Variants in CALCR observed in about 807,000 individuals in gnomAD.
CALCR encodes calcitonin receptor.
Under a neutral mutation model 59.5 loss-of-function variants are expected in CALCR, and 47 were observed. The observed-to-expected ratio is 0.79, with a 90% confidence interval of 0.63 to 1.01. The LOEUF (loss-of-function observed/expected upper bound fraction) is 1.01. CALCR is among the 50% of genes least tolerant of loss of function. The pLI, the probability that CALCR is intolerant of heterozygous loss-of-function variation, is 0.00. For synonymous variants in CALCR, 213 were observed against 211.3 expected (o/e 1.01, Z -0.07); for missense variants, 566 against 597.1 (o/e 0.95, Z 0.54).
chr7:93,552,111 T>C (rs1789475808), intron 2 of CALCR, among the ~76,000 whole-genome samples: 1 of 152,158 alleles, frequency 6.6e-6, no homozygotes, highest in African/African-American at 2.4e-5. Flanking sequence ...AGAGAAAAGC[T>C]TGAGTCATCA....
intron 2 of CALCR, among the ~76,000 whole-genome samples, chr7:93,491,946 G>A (rs1801087387): frequency 1.3e-5 from 2 of 151,830 alleles, no homozygotes; most frequent in African/African-American, 4.8e-5. Flanking sequence ...AAAGACACAT[G>A]CACACGTATG....
intron 9 of CALCR, among the ~76,000 whole-genome samples, chr7:93,439,499 T>C (rs1291026062): frequency 1.3e-5 from 2 of 152,212 alleles, no homozygotes; most frequent in Non-Finnish European, 2.9e-5. Flanking sequence ...AAGTGCTTTC[T>C]ACTTCATCTG....
At chr7:93,558,668 A>C (rs1306783802) in intron 2 of CALCR, among the ~76,000 whole-genome samples, 1 of 152,092 alleles carries the variant, frequency 6.6e-6, no homozygotes, top group Non-Finnish European at 1.5e-5. Flanking sequence ...TTCTCATATA[A>C]ATTTGGAATA....
intron 2 of CALCR, among the ~76,000 whole-genome samples, chr7:93,543,715 T>C (rs1176981115): frequency 6.6e-6 from 1 of 152,168 alleles, no homozygotes; most frequent in Non-Finnish European, 1.5e-5. Flanking sequence ...TTTGGGATCA[T>C]ACTGTAACTA....
At chr7:93,500,323 TTC>T (rs978721633) in intron 2 of CALCR, among the ~76,000 whole-genome samples, 1 of 151,940 alleles carries the variant, frequency 6.6e-6, no homozygotes, top group Admixed American at 6.6e-5. Context: ...ACCTTTAACA[TTC>T]TGTTTGGTTC....
At chr7:93,501,802 T>C (rs1004535839) in intron 2 of CALCR, among the ~76,000 whole-genome samples, 1 of 152,114 alleles carries the variant, frequency 6.6e-6, no homozygotes, top group Admixed American at 6.6e-5. Flanking sequence ...GAGCAGGATC[T>C]GTCGCTTTCC....
chr7:93,453,954 C>T (rs1649598765), intron 8 of CALCR, among the ~76,000 whole-genome samples: 1 of 152,082 alleles, frequency 6.6e-6, no homozygotes, highest in African/African-American at 2.4e-5. Context: ...GGGTAGGATA[C>T]TTCATTCCAT....
At chr7:93,474,283 C>G (rs1245641746) in intron 5 of CALCR, among the ~76,000 whole-genome samples, 1 of 151,546 alleles carries the variant, frequency 6.6e-6, no homozygotes, top group South Asian at 2.1e-4. Context: ...GATAAACACA[C>G]TGTAAAACTA....
chr7:93,503,208 G>A (rs1801357078), intron 2 of CALCR, among the ~76,000 whole-genome samples: 1 of 152,062 alleles, frequency 6.6e-6, no homozygotes, highest in Non-Finnish European at 1.5e-5. Flanking sequence ...GACCAGGGCT[G>A]ATGGAGCAAC....
At chr7:93,462,049 C>A in intron 7 of CALCR, 2 of 1,431,728 alleles carry the variant, frequency 1.4e-6, no homozygotes, top group East Asian at 2.4e-5. Context: ...CAAAAATAGC[C>A]TGGGTTTACT....
chr7:93,564,954 C>T (rs1377886977), intron 2 of CALCR, among the ~76,000 whole-genome samples: 1 of 152,084 alleles, frequency 6.6e-6, no homozygotes, highest in Non-Finnish European at 1.5e-5. Context: ...AATGAGAATA[C>T]TATATGAATG....
At chr7:93,491,259 A>T (rs1267958228) in intron 2 of CALCR, among the ~76,000 whole-genome samples, 1 of 152,118 alleles carries the variant, frequency 6.6e-6, no homozygotes, top group Non-Finnish European at 1.5e-5. Context: ...AATTAACTCA[A>T]GATGGATTAA....
chr7:93,453,449 C>G (rs1323513251), intron 8 of CALCR, among the ~76,000 whole-genome samples: 1 of 151,970 alleles, frequency 6.6e-6, no homozygotes, highest in Non-Finnish European at 1.5e-5. Flanking sequence ...CTGGAGTAAT[C>G]CAGCTAAGCA....
chr7:93,546,639 C>T (rs1368642498), intron 2 of CALCR, among the ~76,000 whole-genome samples: 1 of 151,614 alleles, frequency 6.6e-6, no homozygotes, highest in Non-Finnish European at 1.5e-5. Flanking sequence ...GCAGCCTCGA[C>T]CTTTCTGGCT....
chr7:93,431,805 AT>A, intron 13 of CALCR, among the ~76,000 whole-genome samples: 1 of 152,322 alleles, frequency 6.6e-6, no homozygotes, highest in African/African-American at 2.4e-5. Flanking sequence ...TTTATCCACG[AT>A]GTACGGAGAA....
chr7:93,532,742 C>T (rs1788872513), intron 2 of CALCR, among the ~76,000 whole-genome samples: 1 of 146,470 alleles, frequency 6.8e-6, no homozygotes. Context: ...ATACAAATGG[C>T]AGGGGTGATC....
chr7:93,430,916 T>C (rs886378296), intron 13 of CALCR, among the ~76,000 whole-genome samples: 1 of 152,250 alleles, frequency 6.6e-6, no homozygotes, highest in Non-Finnish European at 1.5e-5. Context: ...GGCTTTCTTA[T>C]GTCTCTAGAA....
In CALCR at chr7:93,574,401, G is replaced by C. The variant is rs1164610794; in HGVS notation, c.-139C>G. On this transcript the variant is annotated 5_prime_UTR_variant, in exon 2 of 14. Transcript: ENST00000426151. ...GCTTCAGCGCCCATCTCCTGGGCAG[G>C]AGATGTCAGCCGCAGGGTGAGGTGC... is the stretch of plus-strand genomic sequence containing the variant. 4 of 152,194 alleles carry C rather than the reference G, an allele frequency of 2.6e-5. No individual in the cohort carries two copies. The highest frequency in any genetic ancestry group is 9.7e-5 in the African/African-American group (4 of 41,430). The allele number at this position is 152,194 out of a possible 1,614,324, so 9.4% of individuals were successfully genotyped here.
At chr7:93,527,031 T>C (rs1788674158) in intron 2 of CALCR, among the ~76,000 whole-genome samples, 1 of 151,998 alleles carries the variant, frequency 6.6e-6, no homozygotes, top group African/African-American at 2.4e-5. Flanking sequence ...TCATACCTGA[T>C]CTCTTTCTCT....
Sources: allele counts gnomAD v4.1 joint callset (sites outside exome capture counted in the v4.1 genomes callset), GRCh38; gene constraint gnomAD v4.1.1; transcripts MANE v1.5; gene names NCBI Gene and HGNC (gene_info 2026-07-23, HGNC 2026-07-21).